The following GRAMD1C variants were observed in gnomAD, a reference collection of about 807,000 sequenced individuals.
GRAMD1C encodes the protein protein Aster-C.
GRAMD1C carries 89 observed loss-of-function variants against 97.8 expected under a neutral mutation model. The observed-to-expected ratio is 0.91, with a 90% CI of 0.77 to 1.09. GRAMD1C has a LOEUF of 1.09. GRAMD1C is among the 50% of genes least tolerant of loss of function. GRAMD1C has a pLI of 0.00. For synonymous variants in GRAMD1C, 256 were observed against 267.0 expected (o/e 0.96, Z 0.40); for missense variants, 740 against 766.4 (o/e 0.97, Z 0.41).
chr3:113,885,365 T>G (rs1935432816), intron 6 of GRAMD1C: 4 of 1,594,164 alleles, frequency 2.5e-6, no homozygotes, highest in South Asian at 1.1e-5. Context: ...CTCTGGAGCT[T>G]CTTCATTTAC....
intron 13 of GRAMD1C, 123 bp from the exon 14 acceptor site, chr3:113,936,143 C>T: frequency 3.3e-6 from 2 of 601,118 alleles, no homozygotes; most frequent in Non-Finnish European, 5.7e-6. Flanking sequence ...AAATTTGAAT[C>T]TAGGTCATAA....
At chr3:113,858,967 C>T (rs1934263248) in intron 2 of GRAMD1C, among the ~76,000 whole-genome samples, 1 of 152,054 alleles carries the variant, frequency 6.6e-6, no homozygotes, top group Non-Finnish European at 1.5e-5. Context: ...TTTGTGTCTT[C>T]TCTCACTCTT....
Position 113,938,114 on chromosome 3 carries a change from C to T in GRAMD1C, c.1662C>T (p.Asn554=), listed in dbSNP as rs752351244. The T allele has an allele frequency of 4.6e-6, 7 of 1,533,908 alleles. No homozygotes were observed. Among genetic ancestry groups the T allele is most frequent in the Non-Finnish European group, 6.2e-6 (7 of 1,123,228 alleles). ...AGAAAAAGGAAATGGAAAACTATAA[C>T]GTCACTCTTATTGTGGTAATGAGTA... The part of the protein sequence containing the change: ...TGKKKEMENY[N]VTLIVVMSIF... The change falls in exon 15 of 18, where the codon AAC becomes AAT. Residue 554 remains asparagine (N), a synonymous_variant. Transcript: ENST00000358160.
intron 2 of GRAMD1C, among the ~76,000 whole-genome samples, chr3:113,854,659 G>GTT (rs2107340751): frequency 6.6e-6 from 1 of 152,180 alleles, no homozygotes; most frequent in East Asian, 1.9e-4. Context: ...ACTTATGGTT[G>GTT]TTTAAAGAAG....
At chr3:113,941,314 C>T (rs1011095440) in intron 17 of GRAMD1C, among the ~76,000 whole-genome samples, 40 of 152,134 alleles carry the variant, frequency 2.6e-4, no homozygotes, top group Non-Finnish European at 5.6e-4. Context: ...ATTCTTTAAT[C>T]TGGAAACTCA....
At chr3:113,934,055 A>G (rs1937531158) in intron 12 of GRAMD1C, among the ~76,000 whole-genome samples, 1 of 152,232 alleles carries the variant, frequency 6.6e-6, no homozygotes, top group South Asian at 2.1e-4. Flanking sequence ...GAGATGGGCC[A>G]TCATGTACTT....
At chr3:113,887,599 G>A (rs1035138822) in intron 6 of GRAMD1C, among the ~76,000 whole-genome samples, 9 of 130,844 alleles carry the variant, frequency 6.9e-5, no homozygotes, top group African/African-American at 2.4e-4. Context: ...TACTCGGGAG[G>A]CTGAGGCAGG....
At chr3:113,940,161 G>T in intron 16 of GRAMD1C, 79 bp from the exon 17 acceptor site, 1 of 959,578 alleles carries the variant, frequency 1.0e-6, no homozygotes. Context: ...GCAAATTTAT[G>T]GGGCTCTGAT....
Position 113,915,845 on chromosome 3 carries a change from C to T in GRAMD1C, c.1090+7C>T. The T allele has an allele frequency of 6.3e-7, 1 of 1,596,208 alleles. No individual in the cohort carries two copies. The highest frequency in any genetic ancestry group is 2.2e-5 in the East Asian group (1 of 44,652). The stretch of plus-strand genomic sequence containing the variant: ...AGTTCTAGAAATATAATAGGTTAGT[C>T]CTTGTGTTCTTACCTAATGATAAAT... On this transcript the variant is annotated splice_region_variant and intron_variant, in intron 10 of 17. Coordinates refer to ENST00000358160, the MANE Select transcript of GRAMD1C (RefSeq NM_017577.5).
intron 10 of GRAMD1C, chr3:113,920,088 A>C: frequency 8.2e-7 from 1 of 1,224,102 alleles, no homozygotes; most frequent in Non-Finnish European, 1.2e-6. Flanking sequence ...AAACAGCAGG[A>C]GATCATTTTA....
intron 1 of GRAMD1C, among the ~76,000 whole-genome samples, chr3:113,828,689 G>T (rs1240212694): frequency 6.6e-6 from 1 of 151,650 alleles, no homozygotes; most frequent in African/African-American, 2.4e-5. Context: ...GAAGATTTTT[G>T]CTCCTTGCTC....
At chr3:113,879,159 C>A (rs573056259) in intron 5 of GRAMD1C, among the ~76,000 whole-genome samples, 233 of 151,706 alleles carry the variant, frequency 1.5e-3, no homozygotes, top group African/African-American at 5.4e-3. Context: ...GAGTCGAGAC[C>A]GCGCCACTGC....
chr3:113,842,912 G>A (rs1374008978), intron 1 of GRAMD1C, among the ~76,000 whole-genome samples: 1 of 151,414 alleles, frequency 6.6e-6, no homozygotes, highest in Non-Finnish European at 1.5e-5. Context: ...GCAGTGAGCC[G>A]AGATCACGCC....
chr3:113,849,292 T>TTTAC lies in GRAMD1C; in HGVS notation c.174+4646_174+4647insCTTA, dbSNP rs1164807005. Among the ~76,000 whole-genome samples the TTTAC allele has an allele frequency of 2.8e-4, 42 of 150,128 alleles. No homozygotes were observed. The East Asian group carries it at 7.8e-3, about 28-fold the overall frequency. Reference sequence around the variant, plus strand: ...TTTTATTTATTTATTTATTTATTTATTTATTTATTTATTTATTTTTTATTG... The same window carrying TTTAC: ...TTTTATTTATTTATTTATTTATTTATTTACTTATTTATTTATTTATTTTTTATTG... On this transcript the variant is annotated intron_variant, in intron 2 of 17. Coordinates refer to ENST00000358160, the MANE Select transcript of GRAMD1C (RefSeq NM_017577.5).
intron 9 of GRAMD1C, among the ~76,000 whole-genome samples, chr3:113,914,880 C>T (rs1015640945): frequency 1.3e-5 from 2 of 152,076 alleles, no homozygotes; most frequent in Admixed American, 6.5e-5. Flanking sequence ...CCACTTATCT[C>T]ATAGCATTGC....
At chr3:113,900,987 T>C in intron 6 of GRAMD1C, 44 bp from the exon 7 acceptor site, 1 of 965,516 alleles carries the variant, frequency 1.0e-6, no homozygotes, top group Non-Finnish European at 1.7e-6. Context: ...TGATATTATA[T>C]TTTATATTTT....
At chr3:113,833,324 G>T (rs1489630428) in intron 1 of GRAMD1C, among the ~76,000 whole-genome samples, 1 of 151,826 alleles carries the variant, frequency 6.6e-6, no homozygotes, top group Non-Finnish European at 1.5e-5. Flanking sequence ...TTTTAGTAGA[G>T]ATGGGGTTTC....
intron 1 of GRAMD1C, among the ~76,000 whole-genome samples, chr3:113,843,307 G>A (rs554909567): frequency 2.7e-4 from 41 of 151,304 alleles, no homozygotes; most frequent in Admixed American, 4.0e-4. Context: ...AAACTCCTGG[G>A]CTCAAGAGGT....
intron 17 of GRAMD1C, among the ~76,000 whole-genome samples, chr3:113,943,678 C>G (rs1421281106): frequency 6.6e-6 from 1 of 152,198 alleles, no homozygotes; most frequent in Non-Finnish European, 1.5e-5. Context: ...CTTTGGGAGG[C>G]CAAGGCAGGC....
Sources: gnomAD v4.1 joint callset for allele counts (sites outside exome capture counted in the v4.1 genomes callset) on GRCh38, gnomAD v4.1.1 for gene constraint, MANE v1.5 for transcripts, NCBI Gene and HGNC (gene_info 2026-07-23, HGNC 2026-07-21) for gene names.